The following SAP30BP variants were observed in gnomAD, a reference collection of about 807,000 sequenced individuals.
The protein encoded by SAP30BP is SAP30-binding protein.
Under a neutral mutation model 46.3 loss-of-function variants are expected in SAP30BP, and 31 were observed. The ratio of observed to expected loss-of-function variants is 0.67; its 90% CI spans 0.50 to 0.90. The LOEUF is 0.90. Ranked by LOEUF, SAP30BP falls within the 40% of genes least tolerant of loss-of-function variation. The pLI is 0.00. For missense variants in SAP30BP, 312 were observed against 391.0 expected (o/e 0.80, Z 1.70); for synonymous variants, 169 against 144.2 (o/e 1.17, Z -1.23).
intron 2 of SAP30BP, among the ~76,000 whole-genome samples, chr17:75,669,254 A>C (rs889508071): frequency 2.7e-5 from 4 of 149,564 alleles, no homozygotes; most frequent in Non-Finnish European, 5.9e-5. Context: ...ACCTATTATT[A>C]TTTTTTTTTG....
chr17:75,699,727 T>C lies in SAP30BP; in HGVS notation c.308-56T>C, dbSNP rs568158180. 3.6e-5 allele frequency: 43 copies of C among 1,196,330 alleles called. No individual in the cohort carries two copies. The East Asian group carries it at 9.9e-4, about 27-fold the overall frequency. 74.1% of individuals were successfully genotyped at this position (1,196,330 alleles called of 1,614,324 possible). A position where few individuals can be genotyped will look rare whatever the true frequency, so the allele number is the denominator to read the frequency against. On this transcript the variant is annotated intron_variant, in intron 4 of 10. Coordinates refer to ENST00000584667, the MANE Select transcript of SAP30BP (RefSeq NM_013260.8). ...TTATGTGCTTATGTTTTTTTGTCCA[T>C]GTCTGTCCCTTGTTCTAATCCCCAC...
chr17:75,674,718 T>G (rs562600599), intron 3 of SAP30BP, among the ~76,000 whole-genome samples: 12 of 138,132 alleles, frequency 8.7e-5, no homozygotes, highest in African/African-American at 3.0e-4. Context: ...TTTTTTTTTT[T>G]TTTTTTTGAG....
Position 75,707,472 on chromosome 17 carries a change from T to C in SAP30BP, c.*951T>C, listed in dbSNP as rs917911266. 1 of 152,656 alleles carries C rather than the reference T, an allele frequency of 6.6e-6. No homozygotes were observed. The highest frequency in any genetic ancestry group is 1.5e-5 in the Non-Finnish European group (1 of 68,072). The allele number at this position is 152,656 out of a possible 1,614,324, so 9.5% of individuals were successfully genotyped here. A position where few individuals can be genotyped will look rare whatever the true frequency, so the allele number is the denominator to read the frequency against. On this transcript the variant is annotated 3_prime_UTR_variant, in exon 11 of 11. Coordinates refer to ENST00000584667, the MANE Select transcript of SAP30BP (RefSeq NM_013260.8). ...GGAGACTATTTACCCTTCATGATCT[T>C]TGGCGATTCTCCACTGGAGCGGAAG...
intron 4 of SAP30BP, among the ~76,000 whole-genome samples, chr17:75,696,500 C>A (rs1302222229): frequency 2.7e-5 from 4 of 150,470 alleles, no homozygotes; most frequent in African/African-American, 9.8e-5. Flanking sequence ...GCCGAGATAA[C>A]ACCATTGCAC....
intron 3 of SAP30BP, 186 bp downstream of exon 3, chr17:75,672,049 G>A: frequency 1.7e-6 from 1 of 593,140 alleles, no homozygotes; most frequent in Non-Finnish European, 3.1e-6. Context: ...AACAAATCCT[G>A]AGACACATTG....
Position 75,668,612 on chromosome 17 carries a change from A to G in SAP30BP, c.203A>G (p.Asn68Ser), listed in dbSNP as rs1276395021. The change falls in exon 2 of 11, where the codon AAC (asparagine) becomes AGC (serine). Residue 68 changes from asparagine to serine, a missense_variant. Physicochemically the swap from Asn to Ser is conservative, Grantham distance 46 (BLOSUM62 1). Coordinates refer to ENST00000584667, the MANE Select transcript of SAP30BP (RefSeq NM_013260.8). ...EDGYEEEEDENSRQSEDDDSE... is the reference protein window; with the variant it reads ...EDGYEEEEDESSRQSEDDDSE... ...GGTTATGAAGAAGAAGAAGATGAGA[A>G]CAGTAGACAGTCGGTAGGTAAATCT... 1 of 1,590,438 alleles carries G rather than the reference A, an allele frequency of 6.3e-7. No homozygotes were observed. Among genetic ancestry groups the G allele is most frequent in the Non-Finnish European group, 8.6e-7 (1 of 1,166,614 alleles).
At chr17:75,683,450 C>G (rs2060114710) in intron 3 of SAP30BP, 1 of 152,030 alleles carries the variant, frequency 6.6e-6, no homozygotes, top group Non-Finnish European at 1.5e-5. Context: ...GACACCAGTC[C>G]TTAGCCCCAC....
chr17:75,683,125 A>G (rs1291382310), intron 3 of SAP30BP, among the ~76,000 whole-genome samples: 2 of 145,756 alleles, frequency 1.4e-5, no homozygotes, highest in African/African-American at 2.5e-5. Context: ...GCTCACTGCA[A>G]CCTCCCTCCT....
rs1214471520 is a variant in SAP30BP at position 75,681,905 on chromosome 17, G to C, written c.264+10042G>C. Among the ~76,000 whole-genome samples, 5 of 152,224 alleles carry C rather than the reference G, an allele frequency of 3.3e-5. No individual in the cohort carries two copies. The East Asian group carries it at 9.7e-4, about 29-fold the overall frequency. On this transcript the variant is annotated intron_variant, in intron 3 of 10. Coordinates refer to ENST00000584667, the MANE Select transcript of SAP30BP (RefSeq NM_013260.8). ...ATGTGGTATGAGATAGGAGCCCCGA[G>C]TCCTTTTGCAGCATTGCAAACAGGT...
chr17:75,674,690 G>GTTTTTT (rs1287087489), intron 3 of SAP30BP, among the ~76,000 whole-genome samples: 490 of 39,530 alleles, frequency 0.012, 29 homozygotes, highest in Middle Eastern at 0.043. Flanking sequence ...TTTTTTGTTT[G>GTTTTTT]TTTTTTGTTT....
At chr17:75,674,137 T>C (rs1325649555) in intron 3 of SAP30BP, among the ~76,000 whole-genome samples, 1 of 152,104 alleles carries the variant, frequency 6.6e-6, no homozygotes, top group Non-Finnish European at 1.5e-5. Context: ...CTCCAAGGAC[T>C]ACAAATGATC....
intron 4 of SAP30BP, among the ~76,000 whole-genome samples, chr17:75,696,686 G>T (rs1047918383): frequency 6.6e-6 from 1 of 151,412 alleles, no homozygotes; most frequent in South Asian, 2.1e-4. Flanking sequence ...TAGTTTTCCC[G>T]AATGTGTTCC....
At chr17:75,689,689 G>A (rs890749736) in intron 3 of SAP30BP, among the ~76,000 whole-genome samples, 6 of 152,206 alleles carry the variant, frequency 3.9e-5, no homozygotes, top group Non-Finnish European at 5.9e-5. Flanking sequence ...GGATTCATAC[G>A]AGTCAAGACA....
At chr17:75,675,337 G>A (rs1047651669) in intron 3 of SAP30BP, among the ~76,000 whole-genome samples, 2 of 152,016 alleles carry the variant, frequency 1.3e-5, no homozygotes, top group Non-Finnish European at 2.9e-5. Context: ...TTTTAGTAGA[G>A]ACGGGGTTTC....
intron 3 of SAP30BP, among the ~76,000 whole-genome samples, chr17:75,678,585 G>A (rs1248299999): frequency 6.6e-6 from 1 of 152,112 alleles, no homozygotes; most frequent in Non-Finnish European, 1.5e-5. Context: ...TGTTTGTTCA[G>A]TAGCATTGGC....
intron 5 of SAP30BP, chr17:75,700,160 TCTGTGCAGCCCTA>T: frequency 4.5e-6 from 1 of 224,190 alleles, no homozygotes; most frequent in Non-Finnish European, 8.7e-6. Flanking sequence ...CGTAACCTTT[TCTGTGCAGCCCTA>T]CTGGGCCAGT....
intron 1 of SAP30BP, 123 bp from the exon 2 acceptor site, chr17:75,668,393 G>T: frequency 3.4e-6 from 2 of 581,470 alleles, no homozygotes; most frequent in East Asian, 3.2e-5. Flanking sequence ...TGAGATTTAG[G>T]TTCCCTTTGT....
chr17:75,681,143 ATGTG>A (rs1183249544), intron 3 of SAP30BP, among the ~76,000 whole-genome samples: 1 of 152,202 alleles, frequency 6.6e-6, no homozygotes, highest in Non-Finnish European at 1.5e-5. Context: ...AAAAAATAAT[ATGTG>A]TAAGTGTGTG....
At chr17:75,669,173 G>A (rs2059870285) in intron 2 of SAP30BP, among the ~76,000 whole-genome samples, 1 of 151,804 alleles carries the variant, frequency 6.6e-6, no homozygotes, top group Admixed American at 6.6e-5. Context: ...GAACTCCTGG[G>A]CGCAAGTGAT....
Sources: gnomAD v4.1 joint callset for allele counts (sites outside exome capture counted in the v4.1 genomes callset) on GRCh38, gnomAD v4.1.1 for gene constraint, MANE v1.5 for transcripts, NCBI Gene and HGNC (gene_info 2026-07-23, HGNC 2026-07-21) for gene names.